Variants in MRRF observed in about 807,000 individuals in gnomAD.
MRRF encodes the protein ribosome-recycling factor, mitochondrial.
MRRF carries 18 observed loss-of-function variants against 25.1 expected under a neutral mutation model. The observed-to-expected ratio is 0.72, with a 90% CI of 0.50 to 1.06. The LOEUF (loss-of-function observed/expected upper bound fraction) is 1.06. Among genes scored for constraint, MRRF ranks in the 50% least tolerant of loss-of-function variants. The pLI, the probability that MRRF is intolerant of heterozygous loss-of-function variation, is 0.00. For missense variants in MRRF, 323 were observed against 319.3 expected, an observed-to-expected ratio of 1.01 and a Z score of -0.09; for synonymous variants, 113 against 112.1, an observed-to-expected ratio of 1.01 and a Z score of -0.05.
intron 6 of MRRF, among the ~76,000 whole-genome samples, chr9:122,317,067 A>AATATATATATATATATATATAT (rs71847269): frequency 6.9e-6 from 1 of 145,394 alleles, no homozygotes; most frequent in Non-Finnish European, 1.5e-5. Context: ...GGTTGCAGTG[A>AATATATATATATATATATATAT]ATATATATAT....
chr9:122,294,524 T>G (rs1264751202), intron 5 of MRRF, among the ~76,000 whole-genome samples: 1 of 152,256 alleles, frequency 6.6e-6, no homozygotes, highest in Non-Finnish European at 1.5e-5. Context: ...TTTATATACT[T>G]TCTTCCCTTT....
At chr9:122,282,079 T>C (rs1833121989) in intron 3 of MRRF, among the ~76,000 whole-genome samples, 1 of 152,196 alleles carries the variant, frequency 6.6e-6, no homozygotes, top group Non-Finnish European at 1.5e-5. Context: ...CAGGATTATG[T>C]TTGTTTAACG....
At chr9:122,303,142 TAA>T (rs1447667261) in intron 5 of MRRF, among the ~76,000 whole-genome samples, 15 of 152,104 alleles carry the variant, frequency 9.9e-5, no homozygotes, top group African/African-American at 1.9e-4. Flanking sequence ...AAAAATAACA[TAA>T]GTTTATCCCA....
At position 122,322,676 on chromosome 9, in the gene MRRF, C is replaced by T; in HGVS notation, c.*59C>T. 3.4e-6 allele frequency: 5 copies of T among 1,450,960 alleles called. No homozygotes were observed. The South Asian group carries it at 4.6e-5, about 13-fold the overall frequency. 89.9% of individuals were successfully genotyped at this position (1,450,960 alleles called of 1,614,324 possible). ...AGTTTCTGCTGGATCCCATGGGTGGCACATTGGGACTTCTCTCCCTCCCCC... is the reference window on the plus strand; with the variant it reads ...AGTTTCTGCTGGATCCCATGGGTGGTACATTGGGACTTCTCTCCCTCCCCC... On this transcript the variant is annotated 3_prime_UTR_variant, in exon 7 of 7. Coordinates refer to ENST00000344641, the MANE Select transcript of MRRF (RefSeq NM_138777.5).
chr9:122,267,101 C>T (rs1019989516), intron 1 of MRRF, among the ~76,000 whole-genome samples: 28 of 144,490 alleles, frequency 1.9e-4, no homozygotes, highest in Admixed American at 7.6e-4. Flanking sequence ...AAATTCAGGC[C>T]GGCGCAGTGG....
chr9:122,272,881 A>G (rs1035876142), intron 2 of MRRF, among the ~76,000 whole-genome samples: 1 of 152,116 alleles, frequency 6.6e-6, no homozygotes, highest in Non-Finnish European at 1.5e-5. Context: ...TGTCAAAATC[A>G]TTTATTGATT....
chr9:122,322,485 C>A, intron 6 of MRRF, 55 bp from the exon 7 acceptor site: 15 of 1,475,456 alleles, frequency 1.0e-5, no homozygotes, highest in Non-Finnish European at 1.1e-5. Context: ...AATATTCATC[C>A]CCCTACCCTT....
intron 2 of MRRF, among the ~76,000 whole-genome samples, chr9:122,275,404 G>T (rs1321274056): frequency 2.0e-5 from 3 of 152,088 alleles, no homozygotes; most frequent in African/African-American, 7.2e-5. Context: ...AGGCCGAGGC[G>T]GGTGGATCAC....
chr9:122,314,435 C>T (rs903735203), intron 6 of MRRF, among the ~76,000 whole-genome samples: 3 of 152,048 alleles, frequency 2.0e-5, no homozygotes, highest in African/African-American at 7.2e-5. Flanking sequence ...ATGTTTGGTA[C>T]AAGGAAATAT....
chr9:122,308,923 T>G (rs1473305172), intron 5 of MRRF, among the ~76,000 whole-genome samples: 1 of 152,076 alleles, frequency 6.6e-6, no homozygotes, highest in Non-Finnish European at 1.5e-5. Flanking sequence ...GGCTTGTATT[T>G]TAGTCATTTT....
At chr9:122,311,446 G>T (rs76222766) in intron 5 of MRRF, among the ~76,000 whole-genome samples, 3,623 of 152,270 alleles carry the variant, frequency 0.024, 149 homozygotes, top group African/African-American at 0.083. Context: ...GACAATGTCA[G>T]TGATTGGACA....
chr9:122,265,151 G>A (rs1831984795), intron 1 of MRRF, among the ~76,000 whole-genome samples: 2 of 152,260 alleles, frequency 1.3e-5, no homozygotes, highest in East Asian at 1.9e-4. Flanking sequence ...AGGAATTTAG[G>A]GGATGCTGGA....
chr9:122,315,198 C>A (rs952874455), intron 6 of MRRF, among the ~76,000 whole-genome samples: 15 of 152,002 alleles, frequency 9.9e-5, no homozygotes, highest in African/African-American at 3.6e-4. Context: ...ATTCATTTTT[C>A]TTGAGATGGG....
At chr9:122,317,001 A>G (rs563126497) in intron 6 of MRRF, among the ~76,000 whole-genome samples, 109 of 151,458 alleles carry the variant, frequency 7.2e-4, no homozygotes, top group African/African-American at 2.4e-3. Flanking sequence ...TGTGCTGTTC[A>G]CTTTCATAAG....
intron 1 of MRRF, 70 bp from the exon 2 acceptor site, chr9:122,270,794 A>G: frequency 8.3e-7 from 1 of 1,198,786 alleles, no homozygotes. Flanking sequence ...ATTGGTACGA[A>G]TTACCTGAAG....
chr9:122,317,478 G>A (rs1835607386), intron 6 of MRRF, among the ~76,000 whole-genome samples: 1 of 152,086 alleles, frequency 6.6e-6, no homozygotes, highest in African/African-American at 2.4e-5. Flanking sequence ...ATATATAATA[G>A]TAGAAAACTG....
intron 6 of MRRF, among the ~76,000 whole-genome samples, chr9:122,314,833 A>C (rs1835414947): frequency 6.6e-6 from 1 of 152,160 alleles, no homozygotes; most frequent in South Asian, 2.1e-4. Flanking sequence ...AAAGATGTGG[A>C]GATAGAATTA....
At chr9:122,285,051 A>G (rs1833301331) in intron 3 of MRRF, 118 bp from the exon 4 acceptor site, 2 of 729,932 alleles carry the variant, frequency 2.7e-6, no homozygotes, top group Non-Finnish European at 5.0e-6. Context: ...TCACTCCCAA[A>G]GCTCTGGGAT....
At chr9:122,321,796 A>G (rs936792139) in intron 6 of MRRF, among the ~76,000 whole-genome samples, 1 of 151,310 alleles carries the variant, frequency 6.6e-6, no homozygotes, top group African/African-American at 2.4e-5. Flanking sequence ...CTTCTTATCA[A>G]TTTGTATGAG....
Sources: gnomAD v4.1 joint callset for allele counts (sites outside exome capture counted in the v4.1 genomes callset) on GRCh38, gnomAD v4.1.1 for gene constraint, MANE v1.5 for transcripts, NCBI Gene and HGNC (gene_info 2026-07-23, HGNC 2026-07-21) for gene names.